Variants in NOC3L observed in about 807,000 individuals in gnomAD.
The protein encoded by NOC3L is nucleolar complex protein 3 homolog.
NOC3L carries 85 observed loss-of-function variants against 102.5 expected under a neutral mutation model. The ratio of observed to expected loss-of-function variants is 0.83; its 90% CI spans 0.70 to 0.99. The LOEUF is 0.99. Ranked by LOEUF, NOC3L falls within the 50% of genes least tolerant of loss-of-function variation. The pLI is 0.00. For missense variants in NOC3L, 878 were observed against 914.9 expected, an observed-to-expected ratio of 0.96 and a Z score of 0.52; for synonymous variants, 303 against 309.4, an observed-to-expected ratio of 0.98 and a Z score of 0.22.
chr10:94,335,780 A>G (rs537480452), intron 19 of NOC3L, among the ~76,000 whole-genome samples: 29 of 152,298 alleles, frequency 1.9e-4, no homozygotes, highest in Non-Finnish European at 3.2e-4. Flanking sequence ...GGCCTGGCCC[A>G]CAGGTCACCA....
chr10:94,348,258 T>A (rs561701132), intron 10 of NOC3L, among the ~76,000 whole-genome samples: 1 of 151,342 alleles, frequency 6.6e-6, no homozygotes, highest in Non-Finnish European at 1.5e-5. Flanking sequence ...ATATAAAAAT[T>A]AAAATTAAAA....
intron 16 of NOC3L, 111 bp downstream of exon 16, chr10:94,340,165 G>T: frequency 1.1e-6 from 1 of 936,890 alleles, no homozygotes; most frequent in Non-Finnish European, 1.6e-6. Flanking sequence ...GCACTGGAAA[G>T]TCACCATTTT....
At chr10:94,354,282 CAAT>C (rs528836463) in intron 6 of NOC3L, among the ~76,000 whole-genome samples, 285 of 152,216 alleles carry the variant, frequency 1.9e-3, no homozygotes, top group Non-Finnish European at 3.1e-3. Flanking sequence ...ACCAGCATAA[CAAT>C]AATAATAGTA....
chr10:94,341,653 A>G lies in NOC3L; in HGVS notation c.1644+20T>C, dbSNP rs555068717. The G allele has an allele frequency of 4.9e-5, 63 of 1,298,892 alleles. No individual in the cohort carries two copies. The highest frequency in any genetic ancestry group is 3.6e-4 in the Admixed American group (14 of 39,332). 80.5% of individuals were successfully genotyped at this position (1,298,892 alleles called of 1,614,324 possible). On this transcript the variant is annotated intron_variant, in intron 14 of 20. Transcript: ENST00000371361. ...TAATTACCATTTATATCTTTTAAAA[A>G]ATAATTTATTATTACTTACACCAGA...
At chr10:94,317,377 G>C in the NOC3L span, among the ~76,000 whole-genome samples, 5 of 152,072 alleles carry the variant, frequency 3.3e-5, no homozygotes, top group East Asian at 1.9e-4. Flanking sequence ...ATCAGCTATG[G>C]GTCCAGTATT....
chr10:94,335,829 A>C (rs1199614264), intron 19 of NOC3L, among the ~76,000 whole-genome samples: 1 of 152,202 alleles, frequency 6.6e-6, no homozygotes, highest in African/African-American at 2.4e-5. Flanking sequence ...ATGGGCTTGC[A>C]AACGGAAAAA....
At position 94,341,670 on chromosome 10, in the gene NOC3L, TACACC is replaced by T. The variant is rs2054287418; in HGVS notation, c.1642_1644+2del. On this transcript the variant is annotated splice_donor_variant and coding_sequence_variant, in exon 14 of 21. Transcript: ENST00000371361. LOFTEE classifies it high-confidence loss of function. Reference sequence around the variant, plus strand: ...TTTTAAAAAATAATTTATTATTACTTACACCAGACTCAATGAGAGTATGAAGAACT... The same window carrying T: ...TTTTAAAAAATAATTTATTATTACTTAGACTCAATGAGAGTATGAAGAACT... The T allele has an allele frequency of 7.0e-7, 1 of 1,428,206 alleles. No homozygotes were observed. The highest frequency in any genetic ancestry group is 2.3e-5 in the Admixed American group (1 of 44,438). 88.5% of individuals were successfully genotyped at this position (1,428,206 alleles called of 1,614,324 possible). A position where few individuals can be genotyped will look rare whatever the true frequency, so the allele number is the denominator to read the frequency against.
At chr10:94,353,407 G>A (rs1249518446) in intron 6 of NOC3L, among the ~76,000 whole-genome samples, 1 of 152,220 alleles carries the variant, frequency 6.6e-6, no homozygotes, top group Non-Finnish European at 1.5e-5. Flanking sequence ...CAAGGCAGAA[G>A]GCAAAGGGGG....
chr10:94,339,628 G>T, intron 17 of NOC3L, 111 bp downstream of exon 17: 2 of 880,328 alleles, frequency 2.3e-6, no homozygotes, highest in Non-Finnish European at 3.4e-6. Flanking sequence ...TTACAAGTGT[G>T]AATTACTTCT....
intron 2 of NOC3L, among the ~76,000 whole-genome samples, chr10:94,359,165 C>T (rs892310815): frequency 1.3e-5 from 2 of 152,166 alleles, no homozygotes; most frequent in African/African-American, 4.8e-5. Context: ...TGGCTCACAC[C>T]TGTAATCTTA....
chr10:94,357,612 A>G (rs1411974427), intron 3 of NOC3L: 2 of 260,760 alleles, frequency 7.7e-6, no homozygotes, highest in Non-Finnish European at 7.1e-6. Flanking sequence ...TTTATGAAGA[A>G]CAGTTCATAA....
Position 94,359,151 on chromosome 10 carries a change from G to A in NOC3L, c.218-936C>T, listed in dbSNP as rs116391953. 5.2e-3 allele frequency among the ~76,000 whole-genome samples: 786 copies of A among 152,220 alleles called. 10 individuals are homozygous for A. The highest frequency in any genetic ancestry group is 0.017 in the African/African-American group (708 of 41,536). ...TAAAACTCGTAAATCTTGGCTGAGC[G>A]CGGTGGCTCACACCTGTAATCTTAG... On this transcript the variant is annotated intron_variant, in intron 2 of 20. Transcript: ENST00000371361.
chr10:94,353,754 G>A (rs2054450428), intron 6 of NOC3L, among the ~76,000 whole-genome samples: 1 of 152,136 alleles, frequency 6.6e-6, no homozygotes, highest in Admixed American at 6.5e-5. Context: ...TTTTCCTAAA[G>A]TACGTGTGTC....
Position 94,350,252 on chromosome 10 carries a change from AC to A in NOC3L, c.988del (p.Val330PhefsTer3). On this transcript the variant is annotated frameshift_variant, in exon 9 of 21. Coordinates refer to ENST00000371361, the MANE Select transcript of NOC3L (RefSeq NM_022451.11). LOFTEE classifies it high-confidence loss of function. ...KQRKLKKSNV[V>X]SLKAYKGLAE... ...CAGTCCTTTGTATGCCTTTAAGGAA[AC>A]TACATTACTTTTCTTCAGCTTCCTC... is the stretch of plus-strand genomic sequence containing the variant. The A allele has an allele frequency of 2.5e-6, 4 of 1,614,146 alleles. No homozygotes were observed. The highest frequency in any genetic ancestry group is 1.7e-5 in the Admixed American group (1 of 60,020).
At position 94,345,827 on chromosome 10, in the gene NOC3L, G is replaced by A. The variant is rs2054336342; in HGVS notation, c.1389+598C>T. ...AAACTGTTTAGAAATGTTCTGAGAT[G>A]TGATGATAACAATAATAGTGATGAT... On this transcript the variant is annotated intron_variant, in intron 11 of 20. Transcript: ENST00000371361. Among the ~76,000 whole-genome samples, 3 of 152,226 alleles carry A rather than the reference G, an allele frequency of 2.0e-5. 1 individual carries two copies. Among genetic ancestry groups the A allele is most frequent in the South Asian group, 4.1e-4 (2 of 4,828 alleles).
intron 13 of NOC3L, among the ~76,000 whole-genome samples, chr10:94,344,012 G>T (rs189078495): frequency 2.6e-5 from 4 of 152,208 alleles, no homozygotes; most frequent in African/African-American, 9.6e-5. Context: ...TACACCAAAA[G>T]ATCTATCTTA....
the NOC3L span, chr10:94,315,290 G>T: frequency 2.4e-6 from 1 of 408,782 alleles, no homozygotes; most frequent in Non-Finnish European, 4.9e-6. Context: ...AGATGTGTTC[G>T]CTCTGGGCTT....
intron 2 of NOC3L, among the ~76,000 whole-genome samples, chr10:94,358,793 A>T (rs1488717282): frequency 6.6e-6 from 1 of 151,558 alleles, no homozygotes; most frequent in Non-Finnish European, 1.5e-5. Flanking sequence ...TCCACTGACC[A>T]CTCCACTTTC....
chr10:94,345,828 T>C (rs1170043017), intron 11 of NOC3L, among the ~76,000 whole-genome samples: 1 of 152,100 alleles, frequency 6.6e-6, no homozygotes, highest in East Asian at 1.9e-4. Flanking sequence ...TTCTGAGATG[T>C]GATGATAACA....
Sources: allele counts gnomAD v4.1 joint callset (sites outside exome capture counted in the v4.1 genomes callset), GRCh38; gene constraint gnomAD v4.1.1; transcripts MANE v1.5; gene names NCBI Gene and HGNC (gene_info 2026-07-23, HGNC 2026-07-21).